ZMYM6: variants seen among roughly 807,000 people sequenced by gnomAD.
ZMYM6 encodes the protein zinc finger MYM-type protein 6.
Under a neutral mutation model 134.0 loss-of-function variants are expected in ZMYM6, and 90 were observed. The ratio of observed to expected loss-of-function variants is 0.67; its 90% CI spans 0.57 to 0.80. ZMYM6 has a LOEUF of 0.80. ZMYM6 is among the 30% of genes least tolerant of loss of function. The probability of loss-of-function intolerance (pLI) is 0.00; values close to 1 mark genes in which losing one functional copy is unlikely to be tolerated. For synonymous variants in ZMYM6, 481 were observed against 524.1 expected (o/e 0.92, Z 1.12); for missense variants, 1,362 against 1,533.9 (o/e 0.89, Z 1.87).
chr1:35,029,327 G>A (rs1641474922), intron 2 of ZMYM6, among the ~76,000 whole-genome samples: 1 of 152,166 alleles, frequency 6.6e-6, no homozygotes. Flanking sequence ...AAGTTCTGGA[G>A]TCTGACCACC....
chr1:34,992,705 C>T (rs13375088), intron 14 of ZMYM6, among the ~76,000 whole-genome samples: 4,840 of 96,830 alleles, frequency 0.05, 1,063 homozygotes, highest in African/African-American at 0.38. Flanking sequence ...TAAAAATATA[C>T]TTATAAACTA....
At chr1:35,029,280 A>G (rs1248199941) in intron 2 of ZMYM6, among the ~76,000 whole-genome samples, 1 of 152,210 alleles carries the variant, frequency 6.6e-6, no homozygotes, top group African/African-American at 2.4e-5. Context: ...GCCTTAAACT[A>G]TATATACAGC....
intron 6 of ZMYM6, 140 bp downstream of exon 6, chr1:35,014,557 A>G: frequency 1.2e-6 from 1 of 838,648 alleles, no homozygotes; most frequent in Non-Finnish European, 1.8e-6. Flanking sequence ...CACCATCAGA[A>G]TCTATCCCAT....
At chr1:34,990,887 G>A (rs375950779) in intron 15 of ZMYM6, among the ~76,000 whole-genome samples, 7 of 152,214 alleles carry the variant, frequency 4.6e-5, no homozygotes, top group African/African-American at 9.6e-5. Context: ...TAAAAGAGAC[G>A]GAGTTTCACT....
In ZMYM6 at chr1:35,007,014, G is replaced by C. The variant is rs1640992335; in HGVS notation, c.1750C>G (p.Leu584Val). 1 of 1,613,448 alleles carries C rather than the reference G, an allele frequency of 6.2e-7. No homozygotes were observed. The highest frequency in any genetic ancestry group is 8.5e-7 in the Non-Finnish European group (1 of 1,179,770). ...TGACAAAACTCCAAGACACAAAATA[G>C]GTTACAGAAATGTTTAATGTTGCCT... The part of the protein sequence containing the change: ...WRGNIKHFCN[L>V]FCVLEFCHQQ... The change falls in exon 12 of 16, where the codon CTA becomes GTA. Residue 584 changes from leucine (L) to valine (V), a missense_variant. Around this residue, in one of 3 missense-constraint regions of ZMYM6, gnomAD observed 824 missense variants for 940.9 expected, o/e 0.88. Transcript: ENST00000357182.
At chr1:35,005,728 G>A (rs1488167263) in intron 12 of ZMYM6, among the ~76,000 whole-genome samples, 1 of 151,460 alleles carries the variant, frequency 6.6e-6, no homozygotes, top group Admixed American at 6.6e-5. Flanking sequence ...GCATGCATCA[G>A]ATAAAAACTT....
chr1:35,008,605 T>G (rs1003368264), intron 11 of ZMYM6, 147 bp downstream of exon 11: 1 of 705,442 alleles, frequency 1.4e-6, no homozygotes, highest in African/African-American at 1.8e-5. Flanking sequence ...CCTGTTTATA[T>G]TCAATTGAAT....
intron 1 of ZMYM6, 167 bp downstream of exon 1, chr1:35,031,648 G>C (rs989751779): frequency 6.6e-6 from 1 of 152,036 alleles, no homozygotes; most frequent in South Asian, 2.1e-4. Context: ...TGTGGTCTCC[G>C]ACTGAGAGCG....
At position 34,988,940 on chromosome 1, in the gene ZMYM6, A is replaced by G. The variant is rs1461943516; in HGVS notation, c.2147-5T>C. The G allele has an allele frequency of 6.2e-7, 1 of 1,603,736 alleles. No homozygotes were observed. Among genetic ancestry groups the G allele is most frequent in the Non-Finnish European group, 8.5e-7 (1 of 1,177,618 alleles). On this transcript the variant is annotated splice_region_variant and splice_polypyrimidine_tract_variant and intron_variant, in intron 15 of 15. Transcript: ENST00000357182. ...TTTCATTAGGCATAGGTAAATCTGA[A>G]TGAAATATTTGAATCACTGTTATTT...
chr1:34,997,340 G>A (rs1427028495), intron 14 of ZMYM6, among the ~76,000 whole-genome samples: 1 of 152,148 alleles, frequency 6.6e-6, no homozygotes, highest in African/African-American at 2.4e-5. Context: ...GTCTCACTCT[G>A]TCACCCAGAC....
Position 35,015,176 on chromosome 1 carries a change from A to G in ZMYM6, c.429-14T>C, listed in dbSNP as rs752493819. ...TTTAAAATGTCTCTAAAAATAAATA[A>G]CAAAGGTAAAAATGAAATGTATTCT... On this transcript the variant is annotated splice_polypyrimidine_tract_variant and intron_variant, in intron 4 of 15. Coordinates refer to ENST00000357182, the MANE Select transcript of ZMYM6 (RefSeq NM_007167.4). 2 of 1,571,770 alleles carry G rather than the reference A, an allele frequency of 1.3e-6. No individual in the cohort carries two copies. Among genetic ancestry groups the G allele is most frequent in the South Asian group, 2.3e-5 (2 of 85,486 alleles).
Position 34,986,570 on chromosome 1 carries a change from C to G in ZMYM6, c.*534G>C, listed in dbSNP as rs2148439674. On this transcript the variant is annotated 3_prime_UTR_variant, in exon 16 of 16. Coordinates refer to ENST00000357182, the MANE Select transcript of ZMYM6 (RefSeq NM_007167.4). ...TACTAAAAAAAATACAATAGACGGG[C>G]ATGGTGGCACATGCCTGTAACCCCA... 6.6e-6 allele frequency: 1 copy of G among 152,340 alleles called. No individual in the cohort carries two copies. The highest frequency in any genetic ancestry group is 2.1e-4 in the South Asian group (1 of 4,832). 9.4% of individuals were successfully genotyped at this position (152,340 alleles called of 1,614,324 possible).
intron 2 of ZMYM6, among the ~76,000 whole-genome samples, chr1:35,023,489 T>A (rs905844896): frequency 1.3e-5 from 2 of 152,220 alleles, no homozygotes; most frequent in Non-Finnish European, 2.9e-5. Context: ...TCTAAGTCTA[T>A]TCAATCCAAA....
At position 35,010,773 on chromosome 1, in the gene ZMYM6, T is replaced by C. The variant is rs762117840; in HGVS notation, c.1326A>G (p.Glu442=). 1.3e-6 allele frequency: 2 copies of C among 1,564,246 alleles called. No homozygotes were observed. The highest frequency in any genetic ancestry group is 1.7e-6 in the Non-Finnish European group (2 of 1,159,902). ...CTCTCTTTACCTTGTAAAAAAGAAGTTCTGGTTTTGTGGCAAATAGATGGT... is the reference window on the plus strand; with the variant it reads ...CTCTCTTTACCTTGTAAAAAAGAAGCTCTGGTTTTGTGGCAAATAGATGGT... ...HCNHLFATKP[E]LLFYKGKMFL... is the part of the protein sequence containing the mutation. The change falls in exon 9 of 16, where the codon GAA becomes GAG. Residue 442 remains glutamate, a synonymous_variant. Coordinates refer to ENST00000357182, the MANE Select transcript of ZMYM6 (RefSeq NM_007167.4).
In ZMYM6 at chr1:34,988,229, T is replaced by C. The variant is rs1401916617; in HGVS notation, c.2853A>G (p.Gln951=). 5.2e-6 allele frequency: 8 copies of C among 1,549,180 alleles called. No homozygotes were observed. The highest frequency in any genetic ancestry group is 7.0e-6 in the Non-Finnish European group (8 of 1,146,104). Residue 951 remains glutamine (Q), a synonymous_variant, in exon 16 of 16, where the codon CAA becomes CAG. Coordinates refer to ENST00000357182, the MANE Select transcript of ZMYM6 (RefSeq NM_007167.4). The part of the protein sequence containing the change: ...ELLFCIEMPT[Q]ITGFEIFELI... ...GTTCAAATATTTCAAAGCCAGTTAT[T>C]TGAGTAGGCATTTCAATGCAAAATA...
intron 14 of ZMYM6, among the ~76,000 whole-genome samples, chr1:34,996,986 T>C (rs573962096): frequency 2.7e-4 from 41 of 152,372 alleles, no homozygotes; most frequent in African/African-American, 8.9e-4. Flanking sequence ...AAAATCCTTG[T>C]ACATGCTTCA....
chr1:35,018,997 T>TA, intron 4 of ZMYM6: 1 of 365,038 alleles, frequency 2.7e-6, no homozygotes, highest in East Asian at 4.7e-5. Context: ...TGTATACTAT[T>TA]AAAAGAGTGA....
Position 35,010,347 on chromosome 1 carries a change from T to G in ZMYM6, c.1492+100A>C, listed in dbSNP as rs577251015. The G allele has an allele frequency of 4.8e-6, 7 of 1,453,398 alleles. No homozygotes were observed. The Admixed American group carries it at 1.6e-4, about 32-fold the overall frequency. The allele number at this position is 1,453,398 out of a possible 1,614,324, so 90.0% of individuals were successfully genotyped here. On this transcript the variant is annotated intron_variant, in intron 10 of 15. Transcript: ENST00000357182. ...CCAAAATACTTCTAATTACACCTTG[T>G]AAGACAAAAAGAATGTGAAAACTAA...
intron 2 of ZMYM6, among the ~76,000 whole-genome samples, chr1:35,025,503 A>C (rs75424261): frequency 1.9e-4 from 29 of 150,052 alleles, no homozygotes; most frequent in South Asian, 4.2e-4. Context: ...GAAAAAAAAA[A>C]GGTGGCACAA....
Sources: allele counts gnomAD v4.1 joint callset (sites outside exome capture counted in the v4.1 genomes callset), GRCh38; gene constraint gnomAD v4.1.1; regional missense constraint gnomAD v4.1.1; transcripts MANE v1.5; gene names NCBI Gene and HGNC (gene_info 2026-07-23, HGNC 2026-07-21).